Variants in MACROH2A1 observed in about 807,000 individuals in gnomAD.
MACROH2A1 encodes the protein macroH2A.1 histone.
Under a neutral mutation model 31.6 loss-of-function variants are expected in MACROH2A1, and 2 were observed. That is an observed-to-expected ratio of 0.06 (90% CI 0.03 to 0.20). The LOEUF (loss-of-function observed/expected upper bound fraction) is 0.20, where lower values mean the gene tolerates loss of function less well. MACROH2A1 is among the 10% of genes least tolerant of loss of function. The pLI, the probability that MACROH2A1 is intolerant of heterozygous loss-of-function variation, is 1.00. For missense variants in MACROH2A1, 230 were observed against 474.0 expected (o/e 0.49, Z 4.78); for synonymous variants, 169 against 189.6 (o/e 0.89, Z 0.89).
intron 5 of MACROH2A1, chr5:135,358,722 T>C (rs1762472886): frequency 2.1e-6 from 2 of 938,102 alleles, no homozygotes; most frequent in East Asian, 1.2e-4. Flanking sequence ...TAATTTATTA[T>C]AGAGTATCAA....
At chr5:135,339,472 G>C (rs781702540) in intron 8 of MACROH2A1, among the ~76,000 whole-genome samples, 15 of 152,202 alleles carry the variant, frequency 9.9e-5, no homozygotes, top group Non-Finnish European at 2.1e-4. Context: ...ATCCAGGCTA[G>C]GAGCTCATTA....
intron 8 of MACROH2A1, chr5:135,337,886 T>C: frequency 9.8e-7 from 1 of 1,016,588 alleles, no homozygotes; most frequent in South Asian, 2.6e-5. Context: ...TCTGGATTTG[T>C]TTCCAGGACA....
intron 5 of MACROH2A1, chr5:135,358,704 T>C: frequency 1.1e-6 from 1 of 930,568 alleles, no homozygotes; most frequent in Non-Finnish European, 1.3e-6. Flanking sequence ...CATTAAATGA[T>C]ATGTTTGTAA....
At chr5:135,364,058 G>A (rs1046260685) in intron 4 of MACROH2A1, among the ~76,000 whole-genome samples, 1 of 152,170 alleles carries the variant, frequency 6.6e-6, no homozygotes, top group Non-Finnish European at 1.5e-5. Flanking sequence ...TGTAGATTCT[G>A]GATATTAGCC....
At chr5:135,380,009 C>T (rs1390096469) in intron 2 of MACROH2A1, among the ~76,000 whole-genome samples, 1 of 152,176 alleles carries the variant, frequency 6.6e-6, no homozygotes, top group Non-Finnish European at 1.5e-5. Context: ...ACAGGTGTGG[C>T]CCACTCTGCC....
At chr5:135,396,916 C>A (rs1768080816) in intron 1 of MACROH2A1, among the ~76,000 whole-genome samples, 1 of 152,216 alleles carries the variant, frequency 6.6e-6, no homozygotes, top group East Asian at 1.9e-4. Flanking sequence ...CACTTGTAAG[C>A]ACTGAGGCAG....
At chr5:135,357,796 A>G in intron 5 of MACROH2A1, 3 of 980,394 alleles carry the variant, frequency 3.1e-6, no homozygotes, top group Non-Finnish European at 3.6e-6. Flanking sequence ...ATCAGAGAGT[A>G]ATGGCTATGA....
intron 2 of MACROH2A1, among the ~76,000 whole-genome samples, chr5:135,387,840 G>A (rs552105648): frequency 1.2e-4 from 19 of 152,240 alleles, no homozygotes; most frequent in African/African-American, 3.9e-4. Context: ...CTGAGTCCCA[G>A]ACTGGGGCAA....
chr5:135,334,828 A>G lies in MACROH2A1; in HGVS notation c.*148T>C. 1 of 684,384 alleles carries G rather than the reference A, an allele frequency of 1.5e-6. No individual in the cohort carries two copies. The highest frequency in any genetic ancestry group is 2.6e-6 in the Non-Finnish European group (1 of 390,366). The allele number at this position is 684,384 out of a possible 1,614,324, so 42.4% of individuals were successfully genotyped here. The stretch of plus-strand genomic sequence containing the variant: ...ACATTTTAGAAGGTCAAAAACAATT[A>G]AACTGGAAACCAAAGCCTTATTTTC... On this transcript the variant is annotated 3_prime_UTR_variant, in exon 9 of 9. Coordinates refer to ENST00000511689, the MANE Select transcript of MACROH2A1 (RefSeq NM_138610.3).
At chr5:135,355,176 G>A in intron 5 of MACROH2A1, 1 of 456,070 alleles carries the variant, frequency 2.2e-6, no homozygotes, top group Non-Finnish European at 4.4e-6. Flanking sequence ...AGAACCACCT[G>A]CTCTGTCTAG....
Position 135,398,360 on chromosome 5 carries a change from A to T in MACROH2A1, c.-34+702T>A, listed in dbSNP as rs774139645. Among the ~76,000 whole-genome samples the T allele has an allele frequency of 5.3e-5, 8 of 152,060 alleles. No homozygotes were observed. Among genetic ancestry groups the T allele is most frequent in the Non-Finnish European group, 8.8e-5 (6 of 68,002 alleles). On this transcript the variant is annotated intron_variant, in intron 1 of 8. Coordinates refer to ENST00000511689, the MANE Select transcript of MACROH2A1 (RefSeq NM_138610.3). The surrounding 1 kb of genome is among the most constrained non-coding windows in gnomAD (Gnocchi z 4.6). ...CTACAGCCTTCCGGAGTTACCTTTT[A>T]AAAAAAGCAAACCCTTCCTACCACA... is the stretch of plus-strand genomic sequence containing the variant.
intron 8 of MACROH2A1, among the ~76,000 whole-genome samples, chr5:135,342,101 A>T (rs991051763): frequency 2.0e-5 from 3 of 152,240 alleles, no homozygotes; most frequent in Admixed American, 6.5e-5. Flanking sequence ...TCAGTGCCCA[A>T]TGCAGACCTC....
At chr5:135,370,210 T>C in intron 2 of MACROH2A1, 68 bp from the exon 3 acceptor site, 1 of 956,610 alleles carries the variant, frequency 1.0e-6, no homozygotes, top group East Asian at 2.7e-5. Context: ...GGTCCCCACA[T>C]TCACAGTGCC....
At chr5:135,342,404 C>T (rs1760045769) in intron 8 of MACROH2A1, among the ~76,000 whole-genome samples, 1 of 152,226 alleles carries the variant, frequency 6.6e-6, no homozygotes, top group African/African-American at 2.4e-5. Context: ...CCAGGCCTGA[C>T]CCCTAAGCCA....
intron 8 of MACROH2A1, among the ~76,000 whole-genome samples, chr5:135,339,023 T>C (rs1759307390): frequency 6.6e-6 from 1 of 152,170 alleles, no homozygotes; most frequent in South Asian, 2.1e-4. Flanking sequence ...CGTGCACTGT[T>C]TGTTGTTTCC....
At chr5:135,388,852 G>T in intron 2 of MACROH2A1, 70 bp downstream of exon 2, 1 of 1,286,672 alleles carries the variant, frequency 7.8e-7, no homozygotes, top group South Asian at 1.5e-5. Flanking sequence ...AACAAAAGTG[G>T]TCTTTGGAGA....
At chr5:135,371,655 G>A (rs1050019308) in intron 2 of MACROH2A1, among the ~76,000 whole-genome samples, 8 of 152,104 alleles carry the variant, frequency 5.3e-5, no homozygotes, top group Non-Finnish European at 1.0e-4. Context: ...CTGTCTCCTT[G>A]TTTTCTTAGT....
In MACROH2A1 at chr5:135,398,577, C is replaced by G. The variant is rs1053045122; in HGVS notation, c.-34+485G>C. The stretch of plus-strand genomic sequence containing the variant: ...GCCTACACCTCGGCCCCCCGGGGCT[C>G]GGGCCCGACTTATTGTGCCGGGGCC... On this transcript the variant is annotated intron_variant, in intron 1 of 8. Coordinates refer to ENST00000511689, the MANE Select transcript of MACROH2A1 (RefSeq NM_138610.3). The surrounding 1 kb of genome is among the most constrained non-coding windows in gnomAD (Gnocchi z 4.6). Among the ~76,000 whole-genome samples the G allele has an allele frequency of 6.6e-6, 1 of 152,214 alleles. No homozygotes were observed. The highest frequency in any genetic ancestry group is 2.4e-5 in the African/African-American group (1 of 41,476).
chr5:135,335,221 C>T (rs993618939), intron 8 of MACROH2A1, 80 bp from the exon 9 acceptor site: 8 of 1,035,008 alleles, frequency 7.7e-6, no homozygotes, highest in South Asian at 1.4e-5. Flanking sequence ...AGGCCACCTC[C>T]CTCTGTGCTG....
Sources: allele counts gnomAD v4.1 joint callset (sites outside exome capture counted in the v4.1 genomes callset), GRCh38; gene constraint gnomAD v4.1.1; non-coding constraint Gnocchi (gnomAD v3.1); transcripts MANE v1.5; gene names NCBI Gene and HGNC (gene_info 2026-07-23, HGNC 2026-07-21).